The following NSD1 variants were observed in gnomAD, a reference collection of about 807,000 sequenced individuals.
NSD1 encodes the protein histone-lysine N-methyltransferase, H3 lysine-36 specific.
A neutral mutation model predicts 242.7 loss-of-function variants in NSD1; 26 were observed. That is an observed-to-expected ratio of 0.11 (90% confidence interval 0.08 to 0.15). The LOEUF (loss-of-function observed/expected upper bound fraction) is 0.15, where lower values mean the gene tolerates loss of function less well. NSD1 is among the 10% of genes least tolerant of loss of function. The pLI is 1.00. For missense variants in NSD1, 2,495 were observed against 3,272.8 expected (o/e 0.76, Z 5.80); for synonymous variants, 1,106 against 1,178.1 (o/e 0.94, Z 1.25).
intron 17 of NSD1, among the ~76,000 whole-genome samples, chr5:177,278,487 G>A (rs1758580125): frequency 6.6e-6 from 1 of 152,130 alleles, no homozygotes; most frequent in Non-Finnish European, 1.5e-5. Flanking sequence ...ATATTAAAGG[G>A]GAGTGGGCAA....
rs199743122 is a variant in NSD1 at position 177,294,893 on chromosome 5, G to A, written c.7525G>A (p.Val2509Met). 5 of 1,613,772 alleles carry A rather than the reference G, an allele frequency of 3.1e-6. No homozygotes were observed. Among genetic ancestry groups the A allele is most frequent in the Non-Finnish European group, 4.2e-6 (5 of 1,179,944 alleles). The change falls in exon 23 of 23, where the codon GTG becomes ATG. Residue 2509 changes from valine to methionine, a missense_variant. By Grantham distance (21) the Val-to-Met change is conservative (BLOSUM62 1). Coordinates refer to ENST00000439151, the MANE Select transcript of NSD1 (RefSeq NM_022455.5). ...GCCGAGAGCTGTTGAGAAAGGCTGTGTGTCAGATCCTCTTCAGACATCTGG... is the reference window on the plus strand; with the variant it reads ...GCCGAGAGCTGTTGAGAAAGGCTGTATGTCAGATCCTCTTCAGACATCTGG... ...HMPRAVEKGC[V>M]SDPLQTSGKA... is the part of the protein sequence containing the mutation.
At chr5:177,159,884 C>T (rs552308947) in intron 2 of NSD1, among the ~76,000 whole-genome samples, 2 of 151,542 alleles carry the variant, frequency 1.3e-5, no homozygotes, top group African/African-American at 4.8e-5. Context: ...CCACTGCACC[C>T]GGCCGAATAT....
chr5:177,214,156 A>G (rs1343165046), intron 5 of NSD1, among the ~76,000 whole-genome samples: 3 of 151,792 alleles, frequency 2.0e-5, no homozygotes, highest in Non-Finnish European at 4.4e-5. Flanking sequence ...ACATGGCAAA[A>G]CCCCATCTCT....
At chr5:177,220,965 G>T (rs949880315) in intron 5 of NSD1, 15 of 450,320 alleles carry the variant, frequency 3.3e-5, no homozygotes, top group African/African-American at 3.0e-4. Context: ...CTGGGTTCAA[G>T]CGATTCTTGT....
rs565937249 is a variant in NSD1 at position 177,269,179 on chromosome 5, T to C, written c.5304-423T>C. On this transcript the variant is annotated intron_variant, in intron 15 of 22. Transcript: ENST00000439151. This position sits in a 1 kb window ranked among gnomAD's most constrained non-coding sequence, Gnocchi z 5.1. ...GTTCTCCCATATTCCTACTAATTAT[T>C]GAAGGTTTCCTTTTTAAAGACCAAA... Among the ~76,000 whole-genome samples, 20 of 152,222 alleles carry C rather than the reference T, an allele frequency of 1.3e-4. No homozygotes were observed. The highest frequency in any genetic ancestry group is 2.5e-4 in the Non-Finnish European group (17 of 68,048).
At chr5:177,219,126 A>G (rs1403638306) in intron 5 of NSD1, among the ~76,000 whole-genome samples, 2 of 151,552 alleles carry the variant, frequency 1.3e-5, no homozygotes, top group Non-Finnish European at 2.9e-5. Context: ...TTTGTTTTTC[A>G]ATGTTGGCAT....
Position 177,137,882 on chromosome 5 carries a change from G to C in NSD1, c.927+1852G>C, listed in dbSNP as rs570389206. Among the ~76,000 whole-genome samples the C allele has an allele frequency of 2.0e-5, 3 of 152,110 alleles. No homozygotes were observed. In the East Asian group the frequency reaches 5.8e-4, roughly 29 times the overall value. On this transcript the variant is annotated intron_variant, in intron 2 of 22. Coordinates refer to ENST00000439151, the MANE Select transcript of NSD1 (RefSeq NM_022455.5). ...ACAGATCACCTGAGGTCAGGAGTTT[G>C]AGACCAGTCTGGCCAACATGGTGAA...
intron 15 of NSD1, among the ~76,000 whole-genome samples, chr5:177,268,866 A>G (rs1279957313): frequency 2.6e-5 from 4 of 152,202 alleles, no homozygotes; most frequent in African/African-American, 9.7e-5. Context: ...ATGTAGTCAC[A>G]TAATGTCTAG....
At chr5:177,288,789 A>G (rs1329479916) in intron 20 of NSD1, 30 bp from the exon 21 acceptor site, 3 of 1,415,374 alleles carry the variant, frequency 2.1e-6, no homozygotes, top group South Asian at 2.3e-5. Flanking sequence ...AAAACCATAG[A>G]TATTAATATT....
At chr5:177,248,028 G>A in intron 10 of NSD1, 153 bp from the exon 11 acceptor site, 1 of 985,456 alleles carries the variant, frequency 1.0e-6, no homozygotes, top group Non-Finnish European at 1.2e-6. Context: ...AATCACAGCA[G>A]GGTTAGAACT....
intron 21 of NSD1, among the ~76,000 whole-genome samples, chr5:177,290,756 G>T (rs1759753989): frequency 6.6e-6 from 1 of 152,200 alleles, no homozygotes; most frequent in Admixed American, 6.5e-5. Flanking sequence ...GTTAAATAAG[G>T]AGAATCACCT....
intron 2 of NSD1, among the ~76,000 whole-genome samples, chr5:177,150,546 T>A (rs571594969): frequency 2.0e-5 from 3 of 146,764 alleles, no homozygotes; most frequent in Admixed American, 6.7e-5. Flanking sequence ...TGTTTTTTGC[T>A]GTTATTATTA....
At chr5:177,230,279 T>C (rs1764956196) in intron 5 of NSD1, among the ~76,000 whole-genome samples, 1 of 151,878 alleles carries the variant, frequency 6.6e-6, no homozygotes. Context: ...AGGGAAAGAG[T>C]TGGTAGACGT....
chr5:177,209,513 AG>A (rs1451185365), intron 4 of NSD1, 122 bp from the exon 5 acceptor site: 1 of 736,844 alleles, frequency 1.4e-6, no homozygotes, highest in African/African-American at 1.9e-5. Flanking sequence ...TGGGCGACAG[AG>A]CAAGACTCTG....
chr5:177,161,279 G>C lies in NSD1; in HGVS notation c.927+25249G>C, dbSNP rs75614278. ...TGCCTGTGGTCCCAGCTACTTGGGT[G>C]GTTGAGGTGGGAAGATATCTGAGCT... On this transcript the variant is annotated intron_variant, in intron 2 of 22. Coordinates refer to ENST00000439151, the MANE Select transcript of NSD1 (RefSeq NM_022455.5). 4.2e-3 allele frequency among the ~76,000 whole-genome samples: 633 copies of C among 152,162 alleles called. 4 individuals carry two copies. The highest frequency in any genetic ancestry group is 0.015 in the African/African-American group (614 of 41,536).
chr5:177,285,041 GTC>G (rs1243904810), intron 20 of NSD1, among the ~76,000 whole-genome samples: 2 of 152,310 alleles, frequency 1.3e-5, no homozygotes, highest in East Asian at 3.9e-4. Flanking sequence ...CTGGGTGCTT[GTC>G]TCTCTAACGG....
chr5:177,265,968 G>A (rs529810979), intron 14 of NSD1: 23 of 1,122,710 alleles, frequency 2.0e-5, no homozygotes, highest in Non-Finnish European at 2.4e-5. Context: ...AGCTGTTTGA[G>A]GTCCACCACA....
chr5:177,187,647 T>G (rs1218879063), intron 2 of NSD1, among the ~76,000 whole-genome samples: 1 of 152,192 alleles, frequency 6.6e-6, no homozygotes, highest in Non-Finnish European at 1.5e-5. Context: ...TATCTGTCCC[T>G]GTCCCTCTCC....
intron 21 of NSD1, among the ~76,000 whole-genome samples, chr5:177,290,169 G>A (rs1446200744): frequency 3.4e-5 from 5 of 147,558 alleles, no homozygotes; most frequent in Non-Finnish European, 7.4e-5. Context: ...ATCATTTTTA[G>A]TGACTGTCTT....
Sources: allele counts gnomAD v4.1 joint callset (sites outside exome capture counted in the v4.1 genomes callset), GRCh38; gene constraint gnomAD v4.1.1; non-coding constraint Gnocchi (gnomAD v3.1); transcripts MANE v1.5; gene names NCBI Gene and HGNC (gene_info 2026-07-23, HGNC 2026-07-21).